ZNG1B: variants seen among roughly 807,000 people sequenced by gnomAD.
The protein encoded by ZNG1B is zinc-regulated GTPase metalloprotein activator 1B.
At chr2:113,462,716 G>A in the ZNG1B span, 1 of 556,486 alleles carries the variant, frequency 1.8e-6, no homozygotes, top group Non-Finnish European at 3.1e-6. Flanking sequence ...TTAATAGACT[G>A]ATATTCAGGG....
At chr2:113,479,061 A>C in the ZNG1B span, among the ~76,000 whole-genome samples, 3 of 151,846 alleles carry the variant, frequency 2.0e-5, no homozygotes, top group East Asian at 5.8e-4. Context: ...ACCTGGAAAA[A>C]ATCAGCATTT....
At chr2:113,464,424 A>G in the ZNG1B span, among the ~76,000 whole-genome samples, 1 of 116,542 alleles carries the variant, frequency 8.6e-6, no homozygotes, top group Non-Finnish European at 1.8e-5. Context: ...CCCTAAAGAC[A>G]ATTGAATTCA....
the ZNG1B span, among the ~76,000 whole-genome samples, chr2:113,438,476 C>A: frequency 1.3e-5 from 2 of 152,320 alleles, no homozygotes; most frequent in African/African-American, 4.8e-5. Flanking sequence ...GATTCCCCTT[C>A]CCCACGAGCC....
At chr2:113,455,527 C>G in the ZNG1B span, 2 of 1,178,872 alleles carry the variant, frequency 1.7e-6, no homozygotes, top group African/African-American at 3.1e-5. Flanking sequence ...TTGTTACATA[C>G]AGTAAAATGA....
the ZNG1B span, among the ~76,000 whole-genome samples, chr2:113,441,111 G>A: frequency 6.6e-6 from 1 of 152,152 alleles, no homozygotes; most frequent in Non-Finnish European, 1.5e-5. Context: ...AGGCTAGGTT[G>A]AAGAAACTGT....
chr2:113,481,519 C>T, the ZNG1B span: 1 of 151,862 alleles, frequency 6.6e-6, no homozygotes, highest in African/African-American at 2.4e-5. Flanking sequence ...TCAGTCCTTT[C>T]CCCCTCCCGT....
At chr2:113,448,644 C>G in the ZNG1B span, among the ~76,000 whole-genome samples, 82 of 152,034 alleles carry the variant, frequency 5.4e-4, no homozygotes, top group African/African-American at 1.9e-3. Context: ...GTGGCTCATG[C>G]CTGTAATCTC....
chr2:113,476,719 T>C, the ZNG1B span, among the ~76,000 whole-genome samples: 1 of 151,922 alleles, frequency 6.6e-6, no homozygotes, highest in Non-Finnish European at 1.5e-5. Context: ...TTTCTGTTTG[T>C]TAGTTTTCCT....
chr2:113,450,467 A>AGTTTCTT, the ZNG1B span, among the ~76,000 whole-genome samples: 2 of 149,952 alleles, frequency 1.3e-5, no homozygotes, highest in African/African-American at 5.0e-5. Context: ...ATAGGCTCTA[A>AGTTTCTT]GTTTCTTTAG....
the ZNG1B span, among the ~76,000 whole-genome samples, chr2:113,472,952 T>G: frequency 1.3e-5 from 2 of 151,154 alleles, no homozygotes; most frequent in Non-Finnish European, 3.0e-5. Context: ...TGGCTTAGGA[T>G]TGACTTGGCG....
chr2:113,485,678 ATT>A, the ZNG1B span, among the ~76,000 whole-genome samples: 1 of 150,112 alleles, frequency 6.7e-6, no homozygotes, highest in Admixed American at 6.6e-5. Context: ...TAGTATAGAT[ATT>A]ATACAGGCAA....
the ZNG1B span, among the ~76,000 whole-genome samples, chr2:113,476,244 A>G: frequency 2.0e-5 from 3 of 151,860 alleles, no homozygotes; most frequent in Non-Finnish European, 4.4e-5. Flanking sequence ...TTCATTTCAT[A>G]TTTCATCGCT....
the ZNG1B span, among the ~76,000 whole-genome samples, chr2:113,472,560 C>G: frequency 6.6e-6 from 1 of 151,878 alleles, no homozygotes; most frequent in Non-Finnish European, 1.5e-5. Context: ...AGTCCTTGCC[C>G]ATGCCTATGT....
the ZNG1B span, among the ~76,000 whole-genome samples, chr2:113,487,524 C>A: frequency 0.27 from 39,524 of 148,662 alleles, 5,837 homozygotes; most frequent in East Asian, 0.52. Context: ...ATTGAACAGC[C>A]CCTCCCAATT....
At chr2:113,462,505 A>G in the ZNG1B span, 2 of 1,591,946 alleles carry the variant, frequency 1.3e-6, no homozygotes, top group Non-Finnish European at 1.7e-6. Flanking sequence ...GTACGAAATG[A>G]TAAGTGTGTT....
chr2:113,438,729 A>G, the ZNG1B span, among the ~76,000 whole-genome samples: 1 of 152,064 alleles, frequency 6.6e-6, no homozygotes, highest in African/African-American at 2.4e-5. Flanking sequence ...AGTTTGAGAA[A>G]TATATTTTTA....
At chr2:113,479,458 T>TC in the ZNG1B span, among the ~76,000 whole-genome samples, 1 of 151,452 alleles carries the variant, frequency 6.6e-6, no homozygotes, top group Non-Finnish European at 1.5e-5. Flanking sequence ...GGTCTTTTTT[T>TC]CCCATCTTAG....
the ZNG1B span, among the ~76,000 whole-genome samples, chr2:113,454,312 C>A: frequency 6.6e-6 from 1 of 152,094 alleles, no homozygotes; most frequent in African/African-American, 2.4e-5. Context: ...ATGTCTCATT[C>A]TTTCGGCAAT....
At chr2:113,444,938 G>C in the ZNG1B span, 1 of 1,608,282 alleles carries the variant, frequency 6.2e-7, no homozygotes, top group Non-Finnish European at 8.5e-7. Flanking sequence ...GTAATTAACT[G>C]TAAATGATGT....
Sources: allele counts gnomAD v4.1 joint callset (sites outside exome capture counted in the v4.1 genomes callset), GRCh38; gene constraint gnomAD v4.1.1; transcripts MANE v1.5; gene names NCBI Gene and HGNC (gene_info 2026-07-23, HGNC 2026-07-21).